SSU72: variants seen among roughly 807,000 people sequenced by gnomAD.
SSU72 encodes the protein SSU72 homolog, RNA polymerase II CTD phosphatase.
Under a neutral mutation model 22.7 loss-of-function variants are expected in SSU72, and 12 were observed. The observed-to-expected ratio is 0.53, with a 90% CI of 0.34 to 0.86. The LOEUF is 0.86. SSU72 is among the 40% of genes least tolerant of loss of function. The pLI is 0.02. For synonymous variants in SSU72, 116 were observed against 98.3 expected, an observed-to-expected ratio of 1.18 and a Z score of -1.06; for missense variants, 151 against 249.8, an observed-to-expected ratio of 0.60 and a Z score of 2.67.
At chr1:1,552,627 C>T (rs192213811) in intron 2 of SSU72, among the ~76,000 whole-genome samples, 2 of 152,352 alleles carry the variant, frequency 1.3e-5, no homozygotes, top group East Asian at 3.9e-4. Context: ...CCTTCCTGAA[C>T]ACTTTCAGTC....
intron 1 of SSU72, among the ~76,000 whole-genome samples, chr1:1,568,595 G>A (rs1642690543): frequency 6.6e-6 from 1 of 152,054 alleles, no homozygotes; most frequent in Non-Finnish European, 1.5e-5. Context: ...GACAAAGTGA[G>A]ACTCTGTCTC....
chr1:1,564,884 G>A lies in SSU72; in HGVS notation c.113C>T (p.Thr38Ile). The A allele has an allele frequency of 6.2e-7, 1 of 1,612,752 alleles. No homozygotes were observed. Among genetic ancestry groups the A allele is most frequent in the Non-Finnish European group, 8.5e-7 (1 of 1,179,318 alleles). The change falls in exon 2 of 5, where the codon ACA (threonine) becomes ATA (isoleucine). Residue 38 changes from threonine (T) to isoleucine (I), a missense_variant. Thr to Ile is a moderately conservative substitution (Grantham distance 89). Coordinates refer to ENST00000291386, the MANE Select transcript of SSU72 (RefSeq NM_014188.3). ...TCCTGGAAGCTTCACGTGAGTCCCT[G>A]TTCCAAAGGATCGGACGCTGAATCC... The part of the protein sequence containing the change: ...KRGFSVRSFG[T>I]GTHVKLPGPA...
At chr1:1,543,334 GCTCA>G (rs1257486539) in intron 4 of SSU72, among the ~76,000 whole-genome samples, 3 of 152,242 alleles carry the variant, frequency 2.0e-5, no homozygotes, top group Non-Finnish European at 4.4e-5. Context: ...TGCATGCTCT[GCTCA>G]CTGAGGTGGG....
At position 1,572,883 on chromosome 1, in the gene SSU72, G is replaced by C. The variant is rs563980036; in HGVS notation, c.80+1595C>G. 9.4e-5 allele frequency among the ~76,000 whole-genome samples: 14 copies of C among 148,382 alleles called. 1 individual carries two copies. In the East Asian group the frequency reaches 1.4e-3, roughly 15 times the overall value. On this transcript the variant is annotated intron_variant, in intron 1 of 4. Coordinates refer to ENST00000291386, the MANE Select transcript of SSU72 (RefSeq NM_014188.3). ...ATTAACAATAATTTTGTCTTGGGGG[G>C]GGGGGGGTGAGCCTTGCATTGTTTT...
At position 1,556,716 on chromosome 1, in the gene SSU72, T is replaced by TG. The variant is rs371848994; in HGVS notation, c.224+8056dup. Among the ~76,000 whole-genome samples the TG allele has an allele frequency of 9.5e-3, 1,439 of 152,254 alleles. 17 individuals carry two copies. The highest frequency in any genetic ancestry group is 0.032 in the African/African-American group (1,327 of 41,550). ...AGCCACACAAGGCTCAGGCCAGCTC[T>TG]GGGGGGGTCCACCATGGCCTTGCGA... On this transcript the variant is annotated intron_variant, in intron 2 of 4. Transcript: ENST00000291386.
chr1:1,556,994 C>T (rs537599917), intron 2 of SSU72, among the ~76,000 whole-genome samples: 7 of 152,164 alleles, frequency 4.6e-5, no homozygotes, highest in East Asian at 1.9e-4. Flanking sequence ...ATCTTAAGGC[C>T]GTAATTTACA....
In SSU72 at chr1:1,574,723, T is replaced by G; in HGVS notation, c.-166A>C. 1 of 518,928 alleles carries G rather than the reference T, an allele frequency of 1.9e-6. No homozygotes were observed. The highest frequency in any genetic ancestry group is 3.0e-6 in the Non-Finnish European group (1 of 335,758). 32.1% of individuals were successfully genotyped at this position (518,928 alleles called of 1,614,324 possible). ...TGCGCGGCGGCCTCCCCGCCCACCC[T>G]GGGCGCCGGGCCGCGGACGGAGCGC... is the stretch of plus-strand genomic sequence containing the variant. On this transcript the variant is annotated 5_prime_UTR_variant, in exon 1 of 5. Transcript: ENST00000291386.
intron 2 of SSU72, among the ~76,000 whole-genome samples, chr1:1,560,581 C>A (rs1642576745): frequency 6.6e-6 from 1 of 152,230 alleles, no homozygotes. Flanking sequence ...CAAAATCAGC[C>A]ATCTAGAGCC....
chr1:1,546,935 G>A (rs113578624), intron 2 of SSU72, among the ~76,000 whole-genome samples: 3 of 151,830 alleles, frequency 2.0e-5, no homozygotes, highest in African/African-American at 7.2e-5. Context: ...GGGAGGCTGA[G>A]GCAGGAGAAG....
At chr1:1,573,597 G>A (rs1642766998) in intron 1 of SSU72, among the ~76,000 whole-genome samples, 1 of 151,984 alleles carries the variant, frequency 6.6e-6, no homozygotes, top group African/African-American at 2.4e-5. Context: ...CTACACGCGT[G>A]AGCCACCGTG....
rs745327725 is a variant in SSU72 at position 1,559,319 on chromosome 1, T to C, written c.224+5454A>G. On this transcript the variant is annotated intron_variant, in intron 2 of 4. Transcript: ENST00000291386. ...GCTGCTACAGGCACTGGGAGGAGAA[T>C]GGGCAGCAGCAAACGGCCTTGGGAG... Among the ~76,000 whole-genome samples the C allele has an allele frequency of 2.0e-4, 30 of 152,032 alleles. No individual in the cohort carries two copies. The Middle Eastern group carries it at 0.014, about 69-fold the overall frequency.
At chr1:1,549,680 G>C (rs1642433632) in intron 2 of SSU72, among the ~76,000 whole-genome samples, 1 of 150,136 alleles carries the variant, frequency 6.7e-6, no homozygotes, top group African/African-American at 2.5e-5. Context: ...CTCTACTAAA[G>C]TACAAAAATT....
At chr1:1,565,235 C>T (rs957542264) in intron 1 of SSU72, among the ~76,000 whole-genome samples, 42 of 152,076 alleles carry the variant, frequency 2.8e-4, no homozygotes, top group African/African-American at 7.2e-4. Flanking sequence ...TAGCCGGGCG[C>T]GGTGGCGGGC....
chr1:1,567,241 C>T (rs1053516235), intron 1 of SSU72, among the ~76,000 whole-genome samples: 1 of 152,202 alleles, frequency 6.6e-6, no homozygotes. Context: ...CCCACACACA[C>T]AGAGAAGATG....
At position 1,552,536 on chromosome 1, in the gene SSU72, C is replaced by A. The variant is rs200519480; in HGVS notation, c.225-7534G>T. Among the ~76,000 whole-genome samples the A allele has an allele frequency of 4.0e-4, 60 of 150,486 alleles. No individual in the cohort carries two copies. In the East Asian group the frequency reaches 0.011, roughly 27 times the overall value. ...CGCCCAGAGGGCGATTCCTCCCGAGCCCCCAGCTCAGAGCCTGAGCTCCAG... is the reference window on the plus strand; with the variant it reads ...CGCCCAGAGGGCGATTCCTCCCGAGACCCCAGCTCAGAGCCTGAGCTCCAG... On this transcript the variant is annotated intron_variant, in intron 2 of 4. Transcript: ENST00000291386.
chr1:1,544,529 A>C (rs1218060562), intron 3 of SSU72: 1 of 349,348 alleles, frequency 2.9e-6, no homozygotes, highest in Admixed American at 4.2e-5. Context: ...GAGGCAGGAG[A>C]ATCACTTGAA....
intron 2 of SSU72, chr1:1,546,305 G>A (rs1327965258): frequency 1.3e-5 from 2 of 152,184 alleles, no homozygotes; most frequent in African/African-American, 2.4e-5. Flanking sequence ...TTGATCTAAC[G>A]GCATCTGACC....
chr1:1,574,606 C>G lies in SSU72; in HGVS notation c.-49G>C. ...CTCTCCCGCTTGGGTTCCCACCCTA[C>G]CGCGGCGCTTCCGCGCGAACAAAAT... is the stretch of plus-strand genomic sequence containing the variant. On this transcript the variant is annotated 5_prime_UTR_variant, in exon 1 of 5. Coordinates refer to ENST00000291386, the MANE Select transcript of SSU72 (RefSeq NM_014188.3). The G allele has an allele frequency of 6.6e-7, 1 of 1,526,444 alleles. No individual in the cohort carries two copies. The highest frequency in any genetic ancestry group is 8.8e-7 in the Non-Finnish European group (1 of 1,135,212). The allele number at this position is 1,526,444 out of a possible 1,614,324, so 94.6% of individuals were successfully genotyped here. A position where few individuals can be genotyped will look rare whatever the true frequency, so the allele number is the denominator to read the frequency against.
chr1:1,567,824 A>C (rs536796809), intron 1 of SSU72, among the ~76,000 whole-genome samples: 1 of 150,822 alleles, frequency 6.6e-6, no homozygotes, highest in South Asian at 2.1e-4. Flanking sequence ...GAGGCAGGAG[A>C]ATTGCGTGAA....
Sources: gnomAD v4.1 joint callset for allele counts (sites outside exome capture counted in the v4.1 genomes callset) on GRCh38, gnomAD v4.1.1 for gene constraint, MANE v1.5 for transcripts, NCBI Gene and HGNC (gene_info 2026-07-23, HGNC 2026-07-21) for gene names.